TMC1: variants seen among roughly 807,000 people sequenced by gnomAD.
The protein encoded by TMC1 is transmembrane channel-like protein 1.
Under a neutral mutation model 105.8 loss-of-function variants are expected in TMC1, and 84 were observed. That is an observed-to-expected ratio of 0.79 (90% confidence interval 0.67 to 0.95). The LOEUF (loss-of-function observed/expected upper bound fraction) is 0.95. Among genes scored for constraint, TMC1 ranks in the 40% least tolerant of loss-of-function variants. The pLI is 0.00. For missense variants in TMC1, 817 were observed against 914.1 expected (o/e 0.89, Z 1.37); for synonymous variants, 315 against 311.5 (o/e 1.01, Z -0.12).
chr9:72,822,708 G>C (rs913312593), intron 20 of TMC1, among the ~76,000 whole-genome samples: 12 of 152,192 alleles, frequency 7.9e-5, no homozygotes, highest in African/African-American at 2.7e-4. Flanking sequence ...AAAGGCTTTA[G>C]TTAATTGCAA....
intron 8 of TMC1, among the ~76,000 whole-genome samples, chr9:72,731,099 T>C (rs2117983231): frequency 6.6e-6 from 1 of 152,362 alleles, no homozygotes; most frequent in Middle Eastern, 3.4e-3. Context: ...CTATGCCAGG[T>C]GCTAAACCCA....
At chr9:72,538,500 G>A (rs1310608719) in intron 1 of TMC1, among the ~76,000 whole-genome samples, 3 of 151,794 alleles carry the variant, frequency 2.0e-5, no homozygotes, top group Non-Finnish European at 2.9e-5. Context: ...GCAGTGGCAC[G>A]ATCTCGGCTC....
intron 1 of TMC1, among the ~76,000 whole-genome samples, chr9:72,549,736 G>C (rs1823829457): frequency 1.3e-5 from 2 of 151,486 alleles, no homozygotes; most frequent in Non-Finnish European, 2.9e-5. Flanking sequence ...TCAGCCTCCT[G>C]AGTAGCTGGG....
chr9:72,804,218 A>T (rs974348305), intron 17 of TMC1, among the ~76,000 whole-genome samples: 10 of 152,094 alleles, frequency 6.6e-5, no homozygotes, highest in African/African-American at 2.4e-4. Flanking sequence ...AACAACACAC[A>T]CTGGAGCCTG....
chr9:72,595,877 T>C (rs1488852785), intron 2 of TMC1, among the ~76,000 whole-genome samples: 4 of 150,052 alleles, frequency 2.7e-5, no homozygotes, highest in African/African-American at 9.8e-5. Context: ...GGTTTCTTTT[T>C]TTTTTTTTTT....
At chr9:72,806,412 C>T (rs1828588898) in intron 18 of TMC1, among the ~76,000 whole-genome samples, 1 of 150,258 alleles carries the variant, frequency 6.7e-6, no homozygotes, top group Admixed American at 6.6e-5. Context: ...ACGCCCCCAC[C>T]TCCCTCCCGG....
At chr9:72,522,697 A>C (rs1823333943) in intron 1 of TMC1, among the ~76,000 whole-genome samples, 1 of 152,240 alleles carries the variant, frequency 6.6e-6, no homozygotes, top group South Asian at 2.1e-4. Context: ...TATAACATAC[A>C]GCTGTCAGAA....
At chr9:72,835,894 A>G (rs1588108866) in intron 23 of TMC1, 57 bp from the exon 24 acceptor site, 2 of 1,546,254 alleles carry the variant, frequency 1.3e-6, no homozygotes, top group Middle Eastern at 1.7e-4. Context: ...CCTCCTGTTC[A>G]TCTTCTCTCT....
intron 5 of TMC1, among the ~76,000 whole-genome samples, chr9:72,674,079 A>G (rs1188979064): frequency 2.6e-5 from 4 of 152,234 alleles, no homozygotes; most frequent in African/African-American, 7.2e-5. Context: ...AAACCTGACA[A>G]AAGTGGCTCA....
At chr9:72,534,428 A>G (rs1294637395) in intron 1 of TMC1, among the ~76,000 whole-genome samples, 2 of 152,174 alleles carry the variant, frequency 1.3e-5, no homozygotes, top group African/African-American at 4.8e-5. Context: ...CAGACATTCT[A>G]AAAGGGCTCC....
At chr9:72,725,907 G>T (rs1415356054) in intron 8 of TMC1, among the ~76,000 whole-genome samples, 1 of 151,860 alleles carries the variant, frequency 6.6e-6, no homozygotes. Context: ...AGCCAGGATG[G>T]TCTCGATCTC....
rs149974350 is a variant in TMC1 at position 72,692,919 on chromosome 9, G to A, written c.65-1624G>A. On this transcript the variant is annotated intron_variant, in intron 6 of 23. Coordinates refer to ENST00000297784, the MANE Select transcript of TMC1 (RefSeq NM_138691.3). ...GAATCACTTGAGGCCAGGAGTTCAC[G>A]ACCAGCCTGGCCAACATGGTGAAAC... 5.7e-3 allele frequency among the ~76,000 whole-genome samples: 870 copies of A among 152,144 alleles called. 11 individuals are homozygous for A. The highest frequency in any genetic ancestry group is 0.017 in the Middle Eastern group (5 of 294).
chr9:72,794,315 C>T (rs1195355577), intron 17 of TMC1, among the ~76,000 whole-genome samples: 1 of 152,090 alleles, frequency 6.6e-6, no homozygotes, highest in African/African-American at 2.4e-5. Flanking sequence ...AAGGGGCAGC[C>T]CAGGAGTGCC....
intron 3 of TMC1, among the ~76,000 whole-genome samples, chr9:72,626,327 T>G (rs1825346763): frequency 6.6e-6 from 1 of 152,168 alleles, no homozygotes; most frequent in African/African-American, 2.4e-5. Flanking sequence ...TGGCAGGCAG[T>G]TGGCTCTAGA....
At chr9:72,656,471 G>A (rs900315603) in intron 5 of TMC1, among the ~76,000 whole-genome samples, 3 of 151,950 alleles carry the variant, frequency 2.0e-5, no homozygotes, top group Non-Finnish European at 4.4e-5. Context: ...TGCAGAGTTT[G>A]ATTTGTATTT....
At chr9:72,527,711 G>C (rs1823429129) in intron 1 of TMC1, among the ~76,000 whole-genome samples, 1 of 152,144 alleles carries the variant, frequency 6.6e-6, no homozygotes, top group Non-Finnish European at 1.5e-5. Context: ...CTGGTTTATT[G>C]TAGGAGAGCT....
chr9:72,709,693 G>A (rs1178178713), intron 8 of TMC1, among the ~76,000 whole-genome samples: 2 of 152,034 alleles, frequency 1.3e-5, no homozygotes, highest in Non-Finnish European at 2.9e-5. Context: ...TATTTCTGTG[G>A]TGTTGGCTGT....
intron 1 of TMC1, among the ~76,000 whole-genome samples, chr9:72,540,526 C>G (rs962094072): frequency 6.6e-6 from 1 of 152,072 alleles, no homozygotes; most frequent in African/African-American, 2.4e-5. Context: ...ATTCCACCTC[C>G]TCTCCAAACC....
chr9:72,806,166 G>A lies in TMC1; in HGVS notation c.1695+656G>A, dbSNP rs1828574740. 3.3e-5 allele frequency among the ~76,000 whole-genome samples: 5 copies of A among 150,248 alleles called. No individual in the cohort carries two copies. In the South Asian group the frequency reaches 1.1e-3, roughly 32 times the overall value. On this transcript the variant is annotated intron_variant, in intron 18 of 23. Coordinates refer to ENST00000297784, the MANE Select transcript of TMC1 (RefSeq NM_138691.3). ...CCTCCCGGGCGGGGCGGCTGGCCGG[G>A]CGGGGGGCTGACCCCCCACCTCCCC...
Sources: allele counts gnomAD v4.1 joint callset (sites outside exome capture counted in the v4.1 genomes callset), GRCh38; gene constraint gnomAD v4.1.1; transcripts MANE v1.5; gene names NCBI Gene and HGNC (gene_info 2026-07-23, HGNC 2026-07-21).